RSPRY1: variants seen among roughly 807,000 people sequenced by gnomAD.
RSPRY1 encodes ring finger and SPRY domain containing 1, also known as RING finger and SPRY domain-containing protein 1.
Under a neutral mutation model 73.1 loss-of-function variants are expected in RSPRY1, and 23 were observed. The observed-to-expected ratio is 0.31, with a 90% CI of 0.23 to 0.45. The LOEUF (loss-of-function observed/expected upper bound fraction) is 0.45, where lower values mean the gene tolerates loss of function less well. RSPRY1 is among the 20% of genes least tolerant of loss of function. The pLI is 1.00. For missense variants in RSPRY1, 448 were observed against 698.7 expected, an observed-to-expected ratio of 0.64 and a Z score of 4.05; for synonymous variants, 226 against 251.4, an observed-to-expected ratio of 0.90 and a Z score of 0.95.
chr16:57,235,497 TTTTAG>T (rs1194536869), intron 14 of RSPRY1, among the ~76,000 whole-genome samples: 1 of 152,220 alleles, frequency 6.6e-6, no homozygotes, highest in Non-Finnish European at 1.5e-5. Flanking sequence ...CTAGGCACTC[TTTTAG>T]TTTTAGAGCT....
chr16:57,206,331 A>C lies in RSPRY1; in HGVS notation c.350+1323A>C, dbSNP rs370481555. ...TAAGACCGGAGTACTGCTAGAGTCC[A>C]GGAGTTTCCAGCTGCAGTGAGCTAT... On this transcript the variant is annotated intron_variant, in intron 2 of 14. Transcript: ENST00000394420. Among the ~76,000 whole-genome samples the C allele has an allele frequency of 5.3e-5, 8 of 152,292 alleles. No homozygotes were observed. In the East Asian group the frequency reaches 1.5e-3, roughly 29 times the overall value.
chr16:57,211,446 G>C (rs545841234), intron 4 of RSPRY1, among the ~76,000 whole-genome samples: 2 of 152,178 alleles, frequency 1.3e-5, no homozygotes, highest in Middle Eastern at 3.4e-3. Context: ...GCGTGCACCT[G>C]TAATCCCAGC....
chr16:57,224,933 A>C (rs2075097219), intron 10 of RSPRY1, among the ~76,000 whole-genome samples: 1 of 152,274 alleles, frequency 6.6e-6, no homozygotes, highest in Non-Finnish European at 1.5e-5. Flanking sequence ...AAGATAGAAA[A>C]GAATTGCTTG....
intron 13 of RSPRY1, among the ~76,000 whole-genome samples, chr16:57,232,202 G>A (rs1443255121): frequency 2.6e-5 from 4 of 152,172 alleles, no homozygotes; most frequent in African/African-American, 7.2e-5. Context: ...TATCTGTAAC[G>A]TAATCCTAGC....
chr16:57,203,113 A>G (rs542069121), intron 1 of RSPRY1, among the ~76,000 whole-genome samples: 108 of 152,008 alleles, frequency 7.1e-4, no homozygotes, highest in African/African-American at 2.5e-3. Flanking sequence ...TGTGGCCAAC[A>G]TGGTGAAACC....
At chr16:57,207,979 A>G in intron 2 of RSPRY1, 79 bp from the exon 3 acceptor site, 1 of 865,508 alleles carries the variant, frequency 1.2e-6, no homozygotes, top group African/African-American at 1.7e-5. Flanking sequence ...TTTTACCTCC[A>G]CACCTCCAGT....
chr16:57,220,846 A>T lies in RSPRY1; in HGVS notation c.1016A>T (p.Glu339Val). Reference sequence around the variant, plus strand: ...CTGAAGATCTCACCTCATGGCTTAGAGGTAGGTAATGCTTCTACAGTTGGA... The same window carrying T: ...CTGAAGATCTCACCTCATGGCTTAGTGGTAGGTAATGCTTCTACAGTTGGA... ...EYLKISPHGL[E>V]ARCDASSFES... The change falls in exon 9 of 15, where the codon GAG (glutamate) becomes GTG (valine). Residue 339 changes from glutamate to valine, a missense_variant and splice_region_variant. Transcript: ENST00000394420. The T allele has an allele frequency of 6.2e-7, 1 of 1,602,644 alleles. No homozygotes were observed. Among genetic ancestry groups the T allele is most frequent in the Non-Finnish European group, 8.6e-7 (1 of 1,169,546 alleles).
At chr16:57,216,284 C>A in intron 7 of RSPRY1, 111 bp downstream of exon 7, 1 of 783,226 alleles carries the variant, frequency 1.3e-6, no homozygotes, top group Non-Finnish European at 2.2e-6. Flanking sequence ...GATGGGCATA[C>A]ATTCTGTTTT....
rs201634523 is a variant in RSPRY1 at position 57,235,162 on chromosome 16, G to A, written c.1568G>A (p.Arg523Gln). 50 of 1,614,164 alleles carry A rather than the reference G, an allele frequency of 3.1e-5. No homozygotes were observed. The Admixed American group carries it at 3.8e-4, about 12-fold the overall frequency. The change falls in exon 14 of 15, where the codon CGA becomes CAA. Residue 523 changes from arginine (R) to glutamine (Q), a missense_variant. By Grantham distance (43) the Arg-to-Gln change is conservative. Transcript: ENST00000394420. ...GCTCTGTTGAAGCAAGTCAGTATCC[G>A]AGAAAACTGCTGTTCCCTTTGTTGT... ...RLALLKQVSI[R>Q]ENCCSLCCDE...
Position 57,204,973 on chromosome 16 carries a change from G to A in RSPRY1, c.315G>A (p.Leu105=), listed in dbSNP as rs1235548518. ...RKKQNVDGLV[L]DTLAVIRTLV... ...AACAAAATGTGGATGGGCTAGTGTT[G>A]GACACACTGGCAGTAATACGGACTC... The change falls in exon 2 of 15, where the codon TTG becomes TTA. Residue 105 remains leucine, a synonymous_variant. Transcript: ENST00000394420. The A allele has an allele frequency of 2.5e-6, 4 of 1,613,870 alleles. No individual in the cohort carries two copies. The highest frequency in any genetic ancestry group is 2.5e-6 in the Non-Finnish European group (3 of 1,179,912).
intron 8 of RSPRY1, among the ~76,000 whole-genome samples, chr16:57,217,750 G>A (rs1047045299): frequency 2.0e-5 from 3 of 152,142 alleles, no homozygotes; most frequent in Non-Finnish European, 2.9e-5. Flanking sequence ...CAGATTAAGA[G>A]TGATCAACCT....
chr16:57,220,393 A>G (rs1452464228), intron 8 of RSPRY1: 1 of 167,106 alleles, frequency 6.0e-6, no homozygotes, highest in African/African-American at 2.4e-5. Flanking sequence ...TAGGTATCTT[A>G]TTTTATTTAT....
chr16:57,223,040 A>C (rs1172629912), intron 10 of RSPRY1, among the ~76,000 whole-genome samples: 1 of 152,214 alleles, frequency 6.6e-6, no homozygotes, highest in Non-Finnish European at 1.5e-5. Context: ...GTTTCTTTAA[A>C]AACAAACACT....
At chr16:57,200,949 G>GA (rs1491351748) in intron 1 of RSPRY1, among the ~76,000 whole-genome samples, 1 of 13,042 alleles carries the variant, frequency 7.7e-5, no homozygotes, top group Non-Finnish European at 1.7e-4. Flanking sequence ...CGGCTGGCCG[G>GA]GGGGGGGGGG....
intron 13 of RSPRY1, among the ~76,000 whole-genome samples, chr16:57,232,499 G>A (rs866744052): frequency 6.6e-6 from 1 of 152,140 alleles, no homozygotes; most frequent in Admixed American, 6.5e-5. Context: ...ATTCCTCTTG[G>A]CCAAAGTCTG....
In RSPRY1 at chr16:57,207,346, CAG is replaced by C. The variant is rs779663695; in HGVS notation, c.351-708_351-707del. On this transcript the variant is annotated intron_variant, in intron 2 of 14. Transcript: ENST00000394420. ...GGCTTTTTTTTTTTCCACACTAAAA[CAG>C]AGACCCACAATATGTAAACAAATAA... Among the ~76,000 whole-genome samples, 7 of 150,770 alleles carry C rather than the reference CAG, an allele frequency of 4.6e-5. No homozygotes were observed. In the South Asian group the frequency reaches 1.5e-3, roughly 32 times the overall value.
intron 2 of RSPRY1, chr16:57,207,637 A>G (rs976448137): frequency 2.2e-5 from 10 of 457,182 alleles, no homozygotes; most frequent in Non-Finnish European, 3.5e-5. Flanking sequence ...CCTTGCTTCC[A>G]TAAGTCCTCA....
intron 13 of RSPRY1, 28 bp downstream of exon 13, chr16:57,231,347 G>C: frequency 6.3e-7 from 1 of 1,579,378 alleles, no homozygotes; most frequent in Non-Finnish European, 8.6e-7. Flanking sequence ...GCTATCTCCA[G>C]ACTTTCACAT....
chr16:57,214,042 C>T (rs538583622), intron 6 of RSPRY1, 96 bp downstream of exon 6: 307 of 808,536 alleles, frequency 3.8e-4, no homozygotes, highest in Middle Eastern at 1.8e-3. Context: ...TAGCCACTGG[C>T]ACAGAGAATG....
Sources: allele counts gnomAD v4.1 joint callset (sites outside exome capture counted in the v4.1 genomes callset), GRCh38; gene constraint gnomAD v4.1.1; transcripts MANE v1.5; gene names NCBI Gene and HGNC (gene_info 2026-07-23, HGNC 2026-07-21).